The following TRDN variants were observed in gnomAD, a reference collection of about 807,000 sequenced individuals.
The protein encoded by TRDN is triadin in skeletal muscle.
In TRDN, 161 loss-of-function variants were observed where a neutral mutation model predicts 149.7. The ratio of observed to expected loss-of-function variants is 1.08; its 90% confidence interval spans 0.95 to 1.23. The LOEUF (loss-of-function observed/expected upper bound fraction) is 1.23. Ranked by LOEUF, TRDN falls within the 50% of genes most tolerant of loss-of-function variation. The probability of loss-of-function intolerance (pLI) is 0.00; values close to 1 mark genes in which losing one functional copy is unlikely to be tolerated. For synonymous variants in TRDN, 294 were observed against 250.5 expected (o/e 1.17, Z -1.64); for missense variants, 896 against 823.5 (o/e 1.09, Z -1.08).
chr6:123,319,735 A>G (rs1425937924), intron 23 of TRDN, among the ~76,000 whole-genome samples: 2 of 152,102 alleles, frequency 1.3e-5, no homozygotes, highest in Non-Finnish European at 2.9e-5. Context: ...CTACACGTAC[A>G]AGCATTGGGG....
intron 13 of TRDN, 135 bp downstream of exon 13, chr6:123,393,489 T>G: frequency 1.3e-6 from 1 of 784,258 alleles, no homozygotes; most frequent in African/African-American, 1.8e-5. Flanking sequence ...ACTGTGTATT[T>G]TCATTCAACA....
chr6:123,635,912 A>T (rs1448771582), intron 1 of TRDN, among the ~76,000 whole-genome samples: 3 of 151,858 alleles, frequency 2.0e-5, no homozygotes, highest in Non-Finnish European at 4.4e-5. Context: ...ATATATATGA[A>T]GTATATATGA....
chr6:123,331,997 G>T, intron 22 of TRDN, 68 bp from the exon 23 acceptor site: 1 of 1,221,822 alleles, frequency 8.2e-7, no homozygotes, highest in Non-Finnish European at 1.1e-6. Context: ...TATAAATGAA[G>T]TCAGTAAGCT....
At chr6:123,434,515 C>T (rs1774473118) in intron 12 of TRDN, among the ~76,000 whole-genome samples, 1 of 152,062 alleles carries the variant, frequency 6.6e-6, no homozygotes, top group Non-Finnish European at 1.5e-5. Context: ...TGCCCTGATG[C>T]TTAATAATCC....
intron 5 of TRDN, chr6:123,529,397 A>G (rs1780113873): frequency 3.9e-6 from 6 of 1,520,740 alleles, no homozygotes; most frequent in Admixed American, 2.0e-5. Context: ...GTGAGCTTCA[A>G]TGTTCTGATT....
intron 12 of TRDN, among the ~76,000 whole-genome samples, chr6:123,416,956 G>A (rs1411051978): frequency 1.3e-5 from 2 of 152,228 alleles, no homozygotes; most frequent in African/African-American, 2.4e-5. Context: ...ACCTGCCTCC[G>A]TCTCCCAAAG....
chr6:123,565,504 CTT>C, intron 2 of TRDN, among the ~76,000 whole-genome samples: 1 of 152,308 alleles, frequency 6.6e-6, no homozygotes, highest in East Asian at 1.9e-4. Flanking sequence ...TATATGAAGA[CTT>C]TGCACACTGT....
chr6:123,602,525 C>A (rs1784326010), intron 1 of TRDN, among the ~76,000 whole-genome samples: 1 of 151,980 alleles, frequency 6.6e-6, no homozygotes, highest in Non-Finnish European at 1.5e-5. Context: ...AAAACAACTA[C>A]TAAAGAACTT....
intron 10 of TRDN, among the ~76,000 whole-genome samples, chr6:123,463,888 G>T (rs4612190): frequency 0.54 from 81,372 of 151,148 alleles, 22,183 homozygotes; most frequent in East Asian, 0.78. Context: ...CATCACTTAG[G>T]CTCAAGGGAT....
rs149446213 is a variant in TRDN, at chr6:123,491,132, A to AGAAGGAAGGAAGGAAG, written c.853+6045_853+6060dup. Among the ~76,000 whole-genome samples, 256 of 146,348 alleles carry AGAAGGAAGGAAGGAAG rather than the reference A, an allele frequency of 1.7e-3. 1 individual carries two copies. The highest frequency in any genetic ancestry group is 3.6e-3 in the East Asian group (18 of 4,992). On this transcript the variant is annotated intron_variant, in intron 9 of 40. Transcript: ENST00000334268. ...AAAAAAAAAATAAAGAAGGAACGAA[A>AGAAGGAAGGAAGGAAG]GAAGGAAGGAAGGAAGGAAGGAAGG...
At chr6:123,610,120 C>T (rs1784726371) in intron 1 of TRDN, among the ~76,000 whole-genome samples, 1 of 152,156 alleles carries the variant, frequency 6.6e-6, no homozygotes, top group South Asian at 2.1e-4. Flanking sequence ...TGATTTCTTG[C>T]ATGCAATAGC....
At chr6:123,549,697 TG>T (rs1489007393) in intron 2 of TRDN, among the ~76,000 whole-genome samples, 1 of 152,018 alleles carries the variant, frequency 6.6e-6, no homozygotes, top group Non-Finnish European at 1.5e-5. Context: ...GGTGCCAGGC[TG>T]GGAACAGGGA....
At chr6:123,279,365 A>T (rs1457683727) in intron 24 of TRDN, among the ~76,000 whole-genome samples, 1 of 152,148 alleles carries the variant, frequency 6.6e-6, no homozygotes, top group East Asian at 1.9e-4. Context: ...GTAGCCATAG[A>T]TAATAATGTA....
intron 1 of TRDN, among the ~76,000 whole-genome samples, chr6:123,580,203 A>G (rs1399960432): frequency 6.6e-6 from 1 of 152,082 alleles, no homozygotes; most frequent in South Asian, 2.1e-4. Context: ...AGAGCTCGTT[A>G]TTGGTCTTTG....
At chr6:123,565,935 T>C (rs575437175) in intron 2 of TRDN, among the ~76,000 whole-genome samples, 2 of 152,370 alleles carry the variant, frequency 1.3e-5, no homozygotes, top group Non-Finnish European at 2.9e-5. Context: ...TCCCATTCTA[T>C]CCATCTTCCC....
chr6:123,361,096 C>A (rs978498394), intron 20 of TRDN, among the ~76,000 whole-genome samples: 1 of 151,988 alleles, frequency 6.6e-6, no homozygotes, highest in African/African-American at 2.4e-5. Context: ...GTATATATAC[C>A]CAGTAATAGG....
chr6:123,235,974 T>C lies in TRDN; in HGVS notation c.1976-11843A>G, dbSNP rs2114532496. On this transcript the variant is annotated intron_variant, in intron 38 of 40. Transcript: ENST00000334268. ...GGGTTATTTCCAGATTTGGCGATTG[T>C]GAATATAGCTGCAATAAACATTTAT... Among the ~76,000 whole-genome samples, 3 of 152,318 alleles carry C rather than the reference T, an allele frequency of 2.0e-5. No homozygotes were observed. In the East Asian group the frequency reaches 5.8e-4, roughly 29 times the overall value.
intron 1 of TRDN, among the ~76,000 whole-genome samples, chr6:123,572,576 A>G (rs558377334): frequency 9.3e-4 from 142 of 152,228 alleles, no homozygotes; most frequent in African/African-American, 3.2e-3. Context: ...GAACAATTGC[A>G]GACCTACTAG....
intron 24 of TRDN, among the ~76,000 whole-genome samples, chr6:123,298,669 T>C (rs532409760): frequency 1.8e-3 from 280 of 152,170 alleles, no homozygotes; most frequent in African/African-American, 6.4e-3. Context: ...CAACACCATA[T>C]AAAATGGGGA....
Sources: gnomAD v4.1 joint callset for allele counts (sites outside exome capture counted in the v4.1 genomes callset) on GRCh38, gnomAD v4.1.1 for gene constraint, MANE v1.5 for transcripts, NCBI Gene and HGNC (gene_info 2026-07-23, HGNC 2026-07-21) for gene names.